The following GALNT2 variants were observed in gnomAD, a reference collection of about 807,000 sequenced individuals.
The protein encoded by GALNT2 is polypeptide N-acetylgalactosaminyltransferase 2, also known as UDP-GalNAc:polypeptide N-acetylgalactosaminyltransferase 2.
Under a neutral mutation model 81.4 loss-of-function variants are expected in GALNT2, and 31 were observed. That is an observed-to-expected ratio of 0.38 (90% CI 0.29 to 0.51). The LOEUF (loss-of-function observed/expected upper bound fraction) is 0.51. Ranked by LOEUF, GALNT2 falls within the 20% of genes least tolerant of loss-of-function variation. GALNT2 has a pLI of 0.87. For synonymous variants in GALNT2, 303 were observed against 287.4 expected (o/e 1.05, Z -0.55); for missense variants, 629 against 765.7 (o/e 0.82, Z 2.11).
Position 230,275,955 on chromosome 1 carries a change from C to T in GALNT2, c.1560+1391C>T, listed in dbSNP as rs186256188. ...CATATATACATGCCACATATATATACGTATATATACATGCCACATATATAT... is the reference window on the plus strand; with the variant it reads ...CATATATACATGCCACATATATATATGTATATATACATGCCACATATATAT... On this transcript the variant is annotated intron_variant, in intron 15 of 15. Coordinates refer to ENST00000366672, the MANE Select transcript of GALNT2 (RefSeq NM_004481.5). This position sits in a 1 kb window ranked among gnomAD's most constrained non-coding sequence, Gnocchi z 5.5. Among the ~76,000 whole-genome samples the T allele has an allele frequency of 1.4e-4, 21 of 147,564 alleles. No homozygotes were observed. The highest frequency in any genetic ancestry group is 1.2e-3 in the Admixed American group (17 of 14,608).
chr1:230,187,469 T>A (rs978205653), intron 2 of GALNT2, among the ~76,000 whole-genome samples: 7 of 151,230 alleles, frequency 4.6e-5, no homozygotes, highest in African/African-American at 1.7e-4. Context: ...TCGGCAGGAG[T>A]AGAACTCTGT....
At chr1:230,122,058 G>A (rs1571986548) in intron 1 of GALNT2, among the ~76,000 whole-genome samples, 1 of 149,562 alleles carries the variant, frequency 6.7e-6, no homozygotes, top group Admixed American at 6.7e-5. Flanking sequence ...AGCTGGGACT[G>A]TGGGTTTAGA....
intron 3 of GALNT2, among the ~76,000 whole-genome samples, chr1:230,222,806 A>G (rs370306432): frequency 1.3e-5 from 2 of 152,280 alleles, no homozygotes; most frequent in African/African-American, 4.8e-5. Context: ...CAGCAACCCT[A>G]TGAGGCATAG....
chr1:230,096,697 C>T (rs1660264927), intron 1 of GALNT2, among the ~76,000 whole-genome samples: 1 of 152,200 alleles, frequency 6.6e-6, no homozygotes, highest in South Asian at 2.1e-4. Flanking sequence ...AATGTTGCAC[C>T]TTCTTAATAT....
intron 1 of GALNT2, among the ~76,000 whole-genome samples, chr1:230,104,185 G>T (rs1040719333): frequency 5.3e-5 from 8 of 152,142 alleles, no homozygotes; most frequent in Non-Finnish European, 7.3e-5. Flanking sequence ...GTTCTGGGGT[G>T]GTGGGGGGCC....
chr1:230,270,200 C>CA (rs976023043), intron 14 of GALNT2, among the ~76,000 whole-genome samples: 34 of 151,820 alleles, frequency 2.2e-4, no homozygotes, highest in African/African-American at 7.5e-4. Flanking sequence ...GATTCTGTCT[C>CA]AAAAAAATAA....
chr1:230,218,809 T>G (rs1000522516), intron 3 of GALNT2, among the ~76,000 whole-genome samples: 2 of 152,222 alleles, frequency 1.3e-5, no homozygotes, highest in Non-Finnish European at 2.9e-5. Context: ...CCCCAACCCC[T>G]AAGCCGTGGA....
At position 230,222,031 on chromosome 1, in the gene GALNT2, C is replaced by CT. The variant is rs564681409; in HGVS notation, c.375-13970dup. 8.7e-4 allele frequency among the ~76,000 whole-genome samples: 84 copies of CT among 96,102 alleles called. 4 individuals are homozygous for CT. The highest frequency in any genetic ancestry group is 1.0e-3 in the South Asian group (3 of 3,004). 63.0% of individuals were successfully genotyped at this position (96,102 alleles called of 152,430 possible). ...TTTATATACATTTCACTGCTTTTCT[C>CT]TTTTTTTTTTTTTGAGACAGAGTCT... is the stretch of plus-strand genomic sequence containing the variant. On this transcript the variant is annotated intron_variant, in intron 3 of 15. Coordinates refer to ENST00000366672, the MANE Select transcript of GALNT2 (RefSeq NM_004481.5).
intron 3 of GALNT2, among the ~76,000 whole-genome samples, chr1:230,219,836 GCTT>G (rs1181495505): frequency 1.3e-5 from 2 of 152,168 alleles, no homozygotes; most frequent in Non-Finnish European, 2.9e-5. Context: ...CCAAAGAACT[GCTT>G]CTGACTGGCC....
At chr1:230,093,697 A>G (rs756539422) in intron 1 of GALNT2, among the ~76,000 whole-genome samples, 1 of 152,236 alleles carries the variant, frequency 6.6e-6, no homozygotes, top group Non-Finnish European at 1.5e-5. Context: ...TGGTGGTCTC[A>G]TAAGATTATA....
chr1:230,063,907 A>G (rs575534600), upstream of GALNT2, among the ~76,000 whole-genome samples: 9 of 152,292 alleles, frequency 5.9e-5, no homozygotes, highest in East Asian at 1.7e-3. Flanking sequence ...ATAAATTGTT[A>G]TATCTGATGT....
intron 14 of GALNT2, among the ~76,000 whole-genome samples, chr1:230,272,643 G>A (rs187996645): frequency 2.0e-5 from 3 of 152,232 alleles, no homozygotes; most frequent in East Asian, 3.9e-4. Flanking sequence ...ATTCCTAGAC[G>A]GGTGTCCGTG....
intron 7 of GALNT2, among the ~76,000 whole-genome samples, chr1:230,244,902 G>A (rs1281572055): frequency 2.0e-5 from 3 of 151,558 alleles, no homozygotes; most frequent in African/African-American, 7.3e-5. Flanking sequence ...GATGTAGTAT[G>A]TTCTTAGCTC....
At chr1:230,116,276 C>T (rs2102795635) in intron 1 of GALNT2, among the ~76,000 whole-genome samples, 1 of 152,210 alleles carries the variant, frequency 6.6e-6, no homozygotes, top group East Asian at 1.9e-4. Flanking sequence ...TGTCACCAGG[C>T]TGGAGTGCAG....
Position 230,164,281 on chromosome 1 carries a change from T to C in GALNT2, c.127-13937T>C, listed in dbSNP as rs146897404. On this transcript the variant is annotated intron_variant, in intron 1 of 15. Transcript: ENST00000366672. ...GGAAGTACCCAGTAGAGGCCGGTGC[T>C]TTGCTTTCTCTCCTTGTGTGTGTGA... is the stretch of plus-strand genomic sequence containing the variant. Among the ~76,000 whole-genome samples, 6 of 152,336 alleles carry C rather than the reference T, an allele frequency of 3.9e-5. No individual in the cohort carries two copies. The East Asian group carries it at 1.2e-3, about 29-fold the overall frequency.
chr1:230,084,879 G>T (rs570953403), intron 1 of GALNT2, among the ~76,000 whole-genome samples: 34 of 152,320 alleles, frequency 2.2e-4, no homozygotes, highest in Non-Finnish European at 4.7e-4. Context: ...CCCTGGTGCA[G>T]GGTGAACATG....
At chr1:230,194,089 G>A (rs921737182) in intron 2 of GALNT2, among the ~76,000 whole-genome samples, 1 of 152,230 alleles carries the variant, frequency 6.6e-6, no homozygotes, top group East Asian at 1.9e-4. Flanking sequence ...TCAGAGCCTG[G>A]TGGATGGGTT....
intron 1 of GALNT2, among the ~76,000 whole-genome samples, chr1:230,139,826 T>A (rs1661671994): frequency 6.6e-6 from 1 of 152,206 alleles, no homozygotes. Context: ...TATGGAGAGT[T>A]GTTTTGCTTT....
chr1:230,101,690 A>G (rs1373187355), intron 1 of GALNT2, among the ~76,000 whole-genome samples: 1 of 152,264 alleles, frequency 6.6e-6, no homozygotes, highest in Non-Finnish European at 1.5e-5. Context: ...AATGTATCTT[A>G]AGTGGAACTG....
Sources: allele counts gnomAD v4.1 joint callset (sites outside exome capture counted in the v4.1 genomes callset), GRCh38; gene constraint gnomAD v4.1.1; non-coding constraint Gnocchi (gnomAD v3.1); transcripts MANE v1.5; gene names NCBI Gene and HGNC (gene_info 2026-07-23, HGNC 2026-07-21).